The following KHDRBS2 variants were observed in gnomAD, a reference collection of about 807,000 sequenced individuals.
The protein encoded by KHDRBS2 is KH domain-containing, RNA-binding, signal transduction-associated protein 2.
A neutral mutation model predicts 44.3 loss-of-function variants in KHDRBS2; 26 were observed. That is an observed-to-expected ratio of 0.59 (90% CI 0.43 to 0.81). The LOEUF is 0.81. KHDRBS2 is among the 40% of genes least tolerant of loss of function. The pLI is 0.00. For synonymous variants in KHDRBS2, 194 were observed against 151.1 expected (o/e 1.28, Z -2.08); for missense variants, 476 against 433.1 (o/e 1.10, Z -0.88).
rs1783467798 is a variant in KHDRBS2, at chr6:61,784,383, G to C, written c.811-51619C>G. On this transcript the variant is annotated intron_variant, in intron 6 of 8. Coordinates refer to ENST00000281156, the MANE Select transcript of KHDRBS2 (RefSeq NM_152688.4). ...AATTCAATAATTATTCTATGAAGAT[G>C]ATTTCAATTATTTTGAAATGGTAAA... Among the ~76,000 whole-genome samples the C allele has an allele frequency of 2.0e-5, 3 of 151,388 alleles. No homozygotes were observed. The South Asian group carries it at 6.3e-4, about 32-fold the overall frequency.
intron 4 of KHDRBS2, among the ~76,000 whole-genome samples, chr6:61,906,005 G>T (rs1235776533): frequency 6.6e-6 from 1 of 151,588 alleles, no homozygotes; most frequent in African/African-American, 2.4e-5. Flanking sequence ...CCACCACCAC[G>T]CCTGGGTAAT....
chr6:62,144,849 CA>C (rs926950318), intron 2 of KHDRBS2, among the ~76,000 whole-genome samples: 1 of 151,898 alleles, frequency 6.6e-6, no homozygotes, highest in Non-Finnish European at 1.5e-5. Flanking sequence ...GTAATGAAGA[CA>C]GTAGCATGCC....
At chr6:61,586,560 G>A in the KHDRBS2 span, among the ~76,000 whole-genome samples, 1 of 152,124 alleles carries the variant, frequency 6.6e-6, no homozygotes, top group Admixed American at 6.6e-5. Flanking sequence ...AAGGTGACTA[G>A]TACAAGACTG....
At chr6:62,222,529 G>T (rs1831073834) in intron 1 of KHDRBS2, among the ~76,000 whole-genome samples, 1 of 152,074 alleles carries the variant, frequency 6.6e-6, no homozygotes, top group Admixed American at 6.5e-5. Context: ...CTGCCCTCAT[G>T]ATTCAAATTA....
chr6:61,883,231 C>T (rs1420172054), intron 6 of KHDRBS2, among the ~76,000 whole-genome samples: 1 of 151,944 alleles, frequency 6.6e-6, no homozygotes, highest in African/African-American at 2.4e-5. Flanking sequence ...AAAGATAGAA[C>T]TCCCTGAGGC....
intron 7 of KHDRBS2, among the ~76,000 whole-genome samples, chr6:61,702,937 A>C (rs1582252849): frequency 1.3e-5 from 2 of 151,798 alleles, no homozygotes; most frequent in African/African-American, 2.4e-5. Context: ...ATATATCTTG[A>C]TTTTAAGTAT....
At chr6:61,992,660 T>C (rs1393583518) in intron 3 of KHDRBS2, among the ~76,000 whole-genome samples, 1 of 152,142 alleles carries the variant, frequency 6.6e-6, no homozygotes, top group African/African-American at 2.4e-5. Flanking sequence ...GGGAACAGTA[T>C]AGTTAACTGA....
the KHDRBS2 span, among the ~76,000 whole-genome samples, chr6:61,604,692 A>G: frequency 6.6e-6 from 1 of 152,092 alleles, no homozygotes; most frequent in Non-Finnish European, 1.5e-5. Flanking sequence ...TTCCCTACAC[A>G]TCAAGCTTGG....
chr6:62,157,729 TATCA>T lies in KHDRBS2; in HGVS notation c.219+19452_219+19455del, dbSNP rs1816770688. On this transcript the variant is annotated intron_variant, in intron 2 of 8. Coordinates refer to ENST00000281156, the MANE Select transcript of KHDRBS2 (RefSeq NM_152688.4). ...TTTCCAATTTATGACACTTCACAAA[TATCA>T]ATCACCACTTCCAAACATTTGAACA... 2.0e-5 allele frequency among the ~76,000 whole-genome samples: 3 copies of T among 152,304 alleles called. No homozygotes were observed. In the South Asian group the frequency reaches 6.2e-4, roughly 32 times the overall value.
intron 2 of KHDRBS2, among the ~76,000 whole-genome samples, chr6:62,165,390 A>C (rs953284662): frequency 6.7e-6 from 1 of 150,022 alleles, no homozygotes; most frequent in African/African-American, 2.4e-5. Context: ...TCTCTCTAAC[A>C]CTTTTTCAAT....
the KHDRBS2 span, among the ~76,000 whole-genome samples, chr6:61,546,115 TTATC>T: frequency 6.6e-6 from 1 of 152,084 alleles, no homozygotes; most frequent in Non-Finnish European, 1.5e-5. Flanking sequence ...CCAAAAATCT[TTATC>T]TAGTATTTCT....
intron 6 of KHDRBS2, among the ~76,000 whole-genome samples, chr6:61,848,469 T>TTATA (rs796641130): frequency 0.016 from 1,168 of 73,642 alleles, 122 homozygotes; most frequent in African/African-American, 0.073. Flanking sequence ...AATGGAGGTT[T>TTATA]TATATATATA....
intron 2 of KHDRBS2, among the ~76,000 whole-genome samples, chr6:62,089,898 T>C (rs1799175001): frequency 6.6e-6 from 1 of 152,094 alleles, no homozygotes; most frequent in Admixed American, 6.6e-5. Context: ...AAGAAAAACT[T>C]AGAATAAAGC....
At chr6:62,077,143 A>G (rs1462953237) in intron 2 of KHDRBS2, among the ~76,000 whole-genome samples, 1 of 152,052 alleles carries the variant, frequency 6.6e-6, no homozygotes. Flanking sequence ...TACATTTTTT[A>G]TTTTGAAGAA....
At chr6:62,054,499 A>G (rs1244217240) in intron 2 of KHDRBS2, among the ~76,000 whole-genome samples, 2 of 152,084 alleles carry the variant, frequency 1.3e-5, no homozygotes, top group East Asian at 3.9e-4. Context: ...ATAAGAAACT[A>G]TATGGGTGTG....
At chr6:62,241,861 C>T (rs569977178) in intron 1 of KHDRBS2, among the ~76,000 whole-genome samples, 8 of 152,112 alleles carry the variant, frequency 5.3e-5, no homozygotes, top group African/African-American at 1.9e-4. Context: ...TAGTCTGGCT[C>T]CGAAAATAAT....
At chr6:62,111,353 C>A (rs771505147) in intron 2 of KHDRBS2, among the ~76,000 whole-genome samples, 1 of 152,088 alleles carries the variant, frequency 6.6e-6, no homozygotes, top group South Asian at 2.1e-4. Context: ...ATGAACTGCA[C>A]AGAATTCATT....
chr6:62,064,299 C>G (rs1159807225), intron 2 of KHDRBS2, among the ~76,000 whole-genome samples: 2 of 149,888 alleles, frequency 1.3e-5, no homozygotes. Context: ...TCATATGGAA[C>G]AAAAAAAGAG....
chr6:62,241,673 C>A (rs896637661), intron 1 of KHDRBS2, among the ~76,000 whole-genome samples: 2 of 151,998 alleles, frequency 1.3e-5, no homozygotes, highest in African/African-American at 4.8e-5. Context: ...AAATAAATTA[C>A]TGAAATATAT....
Sources: allele counts gnomAD v4.1 joint callset (sites outside exome capture counted in the v4.1 genomes callset), GRCh38; gene constraint gnomAD v4.1.1; transcripts MANE v1.5; gene names NCBI Gene and HGNC (gene_info 2026-07-23, HGNC 2026-07-21).